The following PCDH9 variants were observed in gnomAD, a reference collection of about 807,000 sequenced individuals.
PCDH9 encodes protocadherin 9.
A neutral mutation model predicts 70.6 loss-of-function variants in PCDH9; 24 were observed. The observed-to-expected ratio is 0.34, with a 90% CI of 0.25 to 0.48. PCDH9 has a LOEUF of 0.48. Among genes scored for constraint, PCDH9 ranks in the 20% least tolerant of loss-of-function variants. The probability of loss-of-function intolerance (pLI) is 0.99; values close to 1 mark genes in which losing one functional copy is unlikely to be tolerated. For missense variants in PCDH9, 1,281 were observed against 1,503.6 expected (o/e 0.85, Z 2.45); for synonymous variants, 562 against 558.5 (o/e 1.01, Z -0.09).
chr13:66,871,783 C>T (rs541314571), intron 3 of PCDH9, among the ~76,000 whole-genome samples: 7 of 152,114 alleles, frequency 4.6e-5, no homozygotes, highest in Admixed American at 2.6e-4. Flanking sequence ...ACCTATTTCC[C>T]GGCAGGCAGA....
At chr13:66,519,771 T>C (rs1241120926) in intron 4 of PCDH9, among the ~76,000 whole-genome samples, 1 of 152,142 alleles carries the variant, frequency 6.6e-6, no homozygotes, top group East Asian at 1.9e-4. Flanking sequence ...TGTAAAGTAT[T>C]TTTCTGATTT....
At chr13:66,577,861 A>G (rs1177054172) in intron 4 of PCDH9, among the ~76,000 whole-genome samples, 2 of 152,106 alleles carry the variant, frequency 1.3e-5, no homozygotes, top group Non-Finnish European at 2.9e-5. Context: ...AGTTGAAAAA[A>G]TAGGACACAT....
intron 4 of PCDH9, among the ~76,000 whole-genome samples, chr13:66,352,080 C>A (rs990470415): frequency 6.6e-6 from 1 of 152,182 alleles, no homozygotes; most frequent in African/African-American, 2.4e-5. Context: ...AGGTGATCCA[C>A]CCGCCTCAGC....
intron 3 of PCDH9, among the ~76,000 whole-genome samples, chr13:66,798,558 G>T (rs1418427434): frequency 6.6e-6 from 1 of 152,076 alleles, no homozygotes; most frequent in Non-Finnish European, 1.5e-5. Context: ...TGATCTCTTG[G>T]CAATAGAGGA....
chr13:67,033,589 T>C (rs1333729748), intron 2 of PCDH9, among the ~76,000 whole-genome samples: 1 of 152,156 alleles, frequency 6.6e-6, no homozygotes, highest in African/African-American at 2.4e-5. Flanking sequence ...GTCATGATGA[T>C]GGGTGCTGTG....
chr13:66,708,089 G>A (rs377509242), intron 3 of PCDH9, among the ~76,000 whole-genome samples: 1 of 150,612 alleles, frequency 6.6e-6, no homozygotes, highest in East Asian at 1.9e-4. Flanking sequence ...TCGCTCTGTC[G>A]CCCAGGCTGG....
intron 2 of PCDH9, among the ~76,000 whole-genome samples, chr13:66,916,785 G>T (rs1382024340): frequency 6.6e-6 from 1 of 151,328 alleles, no homozygotes; most frequent in Non-Finnish European, 1.5e-5. Context: ...CTATTCCTTA[G>T]TGAGCTCTCT....
chr13:66,965,768 C>T lies in PCDH9; in HGVS notation c.3037-62163G>A, dbSNP rs1226878432. On this transcript the variant is annotated intron_variant, in intron 2 of 4. Coordinates refer to ENST00000377865, the MANE Select transcript of PCDH9 (RefSeq NM_203487.3). ...ATCATGAAGGTGATAACATTATTACCATATTAATAGAATAAGTTCTGATTA... is the reference window on the plus strand; with the variant it reads ...ATCATGAAGGTGATAACATTATTACTATATTAATAGAATAAGTTCTGATTA... Among the ~76,000 whole-genome samples the T allele has an allele frequency of 2.0e-5, 3 of 151,912 alleles. No individual in the cohort carries two copies. The South Asian group carries it at 6.2e-4, about 32-fold the overall frequency.
At chr13:66,901,423 C>T (rs1246160166) in intron 3 of PCDH9, among the ~76,000 whole-genome samples, 4 of 151,646 alleles carry the variant, frequency 2.6e-5, no homozygotes, top group Admixed American at 1.3e-4. Flanking sequence ...TATTTAGTAT[C>T]ACAGATCATC....
chr13:66,512,023 A>C (rs1463182033), intron 4 of PCDH9, among the ~76,000 whole-genome samples: 1 of 152,166 alleles, frequency 6.6e-6, no homozygotes, highest in Non-Finnish European at 1.5e-5. Context: ...TTTGTAAAAA[A>C]TTTAGAGATA....
rs199521820 is a variant in PCDH9, at chr13:67,093,608, CAT to C, written c.3036+131795_3036+131796del. Among the ~76,000 whole-genome samples the C allele has an allele frequency of 7.0e-3, 1,063 of 152,192 alleles. 9 individuals carry two copies. Among genetic ancestry groups the C allele is most frequent in the African/African-American group, 0.011 (473 of 41,500 alleles). On this transcript the variant is annotated intron_variant, in intron 2 of 4. Coordinates refer to ENST00000377865, the MANE Select transcript of PCDH9 (RefSeq NM_203487.3). Reference sequence around the variant, plus strand: ...TCCTTGAAAATTAGTATATTATACACATGTTTCTCATTAGCAGACCAATACAC... The same window carrying C: ...TCCTTGAAAATTAGTATATTATACACGTTTCTCATTAGCAGACCAATACAC...
intron 3 of PCDH9, among the ~76,000 whole-genome samples, chr13:66,848,809 T>C (rs955924130): frequency 1.3e-5 from 2 of 151,056 alleles, no homozygotes; most frequent in Admixed American, 1.3e-4. Context: ...GCAACTGTAG[T>C]CCCAGCTACA....
chr13:66,934,550 A>AG (rs2082874243), intron 2 of PCDH9, among the ~76,000 whole-genome samples: 1 of 149,076 alleles, frequency 6.7e-6, no homozygotes, highest in Non-Finnish European at 1.5e-5. Context: ...CCAAAAAAAA[A>AG]AAAAAAAGAA....
intron 4 of PCDH9, among the ~76,000 whole-genome samples, chr13:66,321,874 T>TC (rs1955761546): frequency 6.6e-6 from 1 of 151,918 alleles, no homozygotes; most frequent in African/African-American, 2.4e-5. Flanking sequence ...CATTCTTTGT[T>TC]TATTTCCTTG....
At chr13:66,935,355 C>T (rs1040877024) in intron 2 of PCDH9, among the ~76,000 whole-genome samples, 1 of 152,102 alleles carries the variant, frequency 6.6e-6, no homozygotes, top group Non-Finnish European at 1.5e-5. Flanking sequence ...CATTCCTGGC[C>T]TTATTCAGTC....
chr13:66,547,022 T>C (rs1286958479), intron 4 of PCDH9, among the ~76,000 whole-genome samples: 1 of 152,168 alleles, frequency 6.6e-6, no homozygotes, highest in Non-Finnish European at 1.5e-5. Flanking sequence ...AACTATAAGA[T>C]CACCTAAGGA....
intron 3 of PCDH9, among the ~76,000 whole-genome samples, chr13:66,730,330 G>T (rs185019313): frequency 6.6e-6 from 1 of 151,994 alleles, no homozygotes; most frequent in Admixed American, 6.6e-5. Context: ...AAAATCAATT[G>T]TTATTTTAAT....
chr13:67,037,896 C>A (rs2139899986), intron 2 of PCDH9, among the ~76,000 whole-genome samples: 1 of 152,168 alleles, frequency 6.6e-6, no homozygotes, highest in South Asian at 2.1e-4. Flanking sequence ...GTGGAGGAGT[C>A]ATTTATTTAC....
At chr13:67,072,461 C>G (rs1465458853) in intron 2 of PCDH9, among the ~76,000 whole-genome samples, 1 of 152,128 alleles carries the variant, frequency 6.6e-6, no homozygotes, top group African/African-American at 2.4e-5. Context: ...CACAGTTTTC[C>G]TTGGGCCTTT....
Sources: gnomAD v4.1 joint callset for allele counts (sites outside exome capture counted in the v4.1 genomes callset) on GRCh38, gnomAD v4.1.1 for gene constraint, MANE v1.5 for transcripts, NCBI Gene and HGNC (gene_info 2026-07-23, HGNC 2026-07-21) for gene names.